The following GSAP variants were observed in gnomAD, a reference collection of about 807,000 sequenced individuals.
GSAP encodes gamma-secretase activating protein, also known as gamma-secretase-activating protein.
Under a neutral mutation model 131.7 loss-of-function variants are expected in GSAP, and 118 were observed. That is an observed-to-expected ratio of 0.90 (90% CI 0.77 to 1.04). The LOEUF (loss-of-function observed/expected upper bound fraction) is 1.04. Ranked by LOEUF, GSAP falls within the 50% of genes least tolerant of loss-of-function variation. The pLI, the probability that GSAP is intolerant of heterozygous loss-of-function variation, is 0.00. For missense variants in GSAP, 1,019 were observed against 1,013.2 expected (o/e 1.01, Z -0.08); for synonymous variants, 381 against 363.4 (o/e 1.05, Z -0.55).
intron 24 of GSAP, among the ~76,000 whole-genome samples, chr7:77,322,813 A>C (rs1319395377): frequency 2.0e-5 from 3 of 152,174 alleles, no homozygotes; most frequent in Non-Finnish European, 2.9e-5. Flanking sequence ...CGTAGAAACA[A>C]CACTAATGGC....
intron 3 of GSAP, among the ~76,000 whole-genome samples, chr7:77,403,471 A>T (rs183480528): frequency 8.7e-4 from 132 of 152,340 alleles, no homozygotes; most frequent in African/African-American, 3.1e-3. Flanking sequence ...TCAATTCTAA[A>T]TTGTTTTTAC....
chr7:77,353,578 T>C lies in GSAP; in HGVS notation c.1402A>G (p.Ile468Val), dbSNP rs780750132. 6.2e-7 allele frequency: 1 copy of C among 1,605,790 alleles called. No homozygotes were observed. The highest frequency in any genetic ancestry group is 8.5e-7 in the Non-Finnish European group (1 of 1,173,174). Residue 468 changes from isoleucine (I) to valine (V), a missense_variant, in exon 17 of 31, where the codon ATA (isoleucine) becomes GTA (valine). By Grantham distance (29) the Ile-to-Val change is conservative. Transcript: ENST00000257626. Reference protein sequence around the residue: ...CHSFDLIQEFIIASSYWSVYS... With the variant: ...CHSFDLIQEFVIASSYWSVYS... ...CAACATCAGCAACACTTACCAATTA[T>C]AAATTCCTGAATGAGGTCAAATGAA...
At chr7:77,350,992 T>C (rs1792784610) in intron 18 of GSAP, 1 of 372,928 alleles carries the variant, frequency 2.7e-6, no homozygotes, top group South Asian at 1.1e-4. Flanking sequence ...AAAAAGTAGA[T>C]AAGTATATAA....
At position 77,311,340 on chromosome 7, in the gene GSAP, C is replaced by A. The variant is rs760266066; in HGVS notation, c.*18G>T. 7.0e-7 allele frequency: 1 copy of A among 1,438,434 alleles called. No individual in the cohort carries two copies. The highest frequency in any genetic ancestry group is 9.8e-7 in the Non-Finnish European group (1 of 1,020,246). 89.1% of individuals were successfully genotyped at this position (1,438,434 alleles called of 1,614,324 possible). On this transcript the variant is annotated 3_prime_UTR_variant, in exon 31 of 31. Transcript: ENST00000257626. ...CAAGATTAAAATGGCAGCAGCAGATCCAATTGCGTTTTCTTTTTCATAAGC... is the reference window on the plus strand; with the variant it reads ...CAAGATTAAAATGGCAGCAGCAGATACAATTGCGTTTTCTTTTTCATAAGC...
chr7:77,323,635 A>G lies in GSAP; in HGVS notation c.1923+12T>C. On this transcript the variant is annotated intron_variant, in intron 24 of 30. Transcript: ENST00000257626. ...GAAGGGGCATATGAGGAGAATAAAA[A>G]GCAAGACCAACCAGTTTTGAAATGT... 6.7e-7 allele frequency: 1 copy of G among 1,485,976 alleles called. No homozygotes were observed. Among genetic ancestry groups the G allele is most frequent in the East Asian group, 2.3e-5 (1 of 43,592 alleles). The allele number at this position is 1,485,976 out of a possible 1,614,324, so 92.0% of individuals were successfully genotyped here.
chr7:77,395,024 C>T (rs771929001), intron 5 of GSAP, among the ~76,000 whole-genome samples: 3 of 152,210 alleles, frequency 2.0e-5, no homozygotes, highest in Non-Finnish European at 4.4e-5. Flanking sequence ...GTGCATCAAA[C>T]TTACAAGACT....
intron 5 of GSAP, among the ~76,000 whole-genome samples, chr7:77,390,910 C>CT (rs1187558436): frequency 7.5e-6 from 1 of 133,906 alleles, no homozygotes; most frequent in Non-Finnish European, 1.5e-5. Flanking sequence ...GGTTGCGCCA[C>CT]TGCACTCCAG....
chr7:77,328,441 TG>T, intron 22 of GSAP, 164 bp downstream of exon 22: 1 of 1,349,912 alleles, frequency 7.4e-7, no homozygotes, highest in African/African-American at 1.5e-5. Flanking sequence ...TAGACAGACA[TG>T]GGAAGAGCCG....
At chr7:77,346,097 C>G (rs924420228) in intron 19 of GSAP, among the ~76,000 whole-genome samples, 3 of 151,212 alleles carry the variant, frequency 2.0e-5, no homozygotes, top group African/African-American at 7.3e-5. Context: ...TGGTGAAACC[C>G]CGCCTCTACT....
chr7:77,313,707 T>C (rs1398136937), intron 27 of GSAP, among the ~76,000 whole-genome samples, 158 bp from the exon 28 acceptor site: 1 of 152,192 alleles, frequency 6.6e-6, no homozygotes, highest in Non-Finnish European at 1.5e-5. Flanking sequence ...ACTCTGACTC[T>C]CTGAATAAAA....
Position 77,397,007 on chromosome 7 carries a change from T to G in GSAP, c.342A>C (p.Glu114Asp). ...CTGGTTGAAGTTCGTTCCTTTTTCC[T>G]TCTTTAGTAGACTGAACTAAACTTG... ...LAASLVQSTK[E>D]GKRNELQPGS... The change falls in exon 5 of 31, where the codon GAA becomes GAC. Residue 114 changes from glutamate (E) to aspartate (D), a missense_variant. Coordinates refer to ENST00000257626, the MANE Select transcript of GSAP (RefSeq NM_017439.4). 1 of 1,601,442 alleles carries G rather than the reference T, an allele frequency of 6.2e-7. No individual in the cohort carries two copies. Among genetic ancestry groups the G allele is most frequent in the Non-Finnish European group, 8.5e-7 (1 of 1,171,210 alleles).
intron 16 of GSAP, among the ~76,000 whole-genome samples, chr7:77,354,912 A>C (rs1027809393): frequency 1.3e-5 from 2 of 152,206 alleles, no homozygotes; most frequent in Non-Finnish European, 2.9e-5. Context: ...ACCAGGAGAA[A>C]AAGTAGATAT....
At chr7:77,315,441 G>A (rs1028090751) in intron 26 of GSAP, 4 of 152,066 alleles carry the variant, frequency 2.6e-5, no homozygotes, top group Admixed American at 2.0e-4. Context: ...TAACAATAGC[G>A]ACCCATACTG....
chr7:77,381,249 T>G (rs1797752918), intron 8 of GSAP, 56 bp downstream of exon 8: 2 of 877,176 alleles, frequency 2.3e-6, no homozygotes, highest in East Asian at 2.5e-5. Flanking sequence ...TCTAGTAATG[T>G]ACTTCTTTGT....
At chr7:77,336,603 C>T (rs1203391644) in intron 19 of GSAP, among the ~76,000 whole-genome samples, 4 of 152,136 alleles carry the variant, frequency 2.6e-5, no homozygotes, top group African/African-American at 9.7e-5. Flanking sequence ...CTTCTCCTGC[C>T]TCAGCCTCCC....
chr7:77,390,722 G>A (rs1439187836), intron 5 of GSAP, among the ~76,000 whole-genome samples: 1 of 151,558 alleles, frequency 6.6e-6, no homozygotes, highest in Non-Finnish European at 1.5e-5. Flanking sequence ...CCTGCACGTT[G>A]TGCACATGTA....
At chr7:77,355,738 T>C in intron 14 of GSAP, 91 bp from the exon 15 acceptor site, 1 of 694,236 alleles carries the variant, frequency 1.4e-6, no homozygotes, top group African/African-American at 1.9e-5. Flanking sequence ...TCTGAATATC[T>C]CAAAAGGCAA....
At chr7:77,364,927 T>C (rs1324890090) in intron 12 of GSAP, among the ~76,000 whole-genome samples, 1 of 152,192 alleles carries the variant, frequency 6.6e-6, no homozygotes, top group Non-Finnish European at 1.5e-5. Flanking sequence ...TAGCCACATG[T>C]AGTCACTGAA....
chr7:77,349,474 G>T, intron 18 of GSAP, 70 bp from the exon 19 acceptor site: 1 of 1,348,736 alleles, frequency 7.4e-7, no homozygotes, highest in South Asian at 1.2e-5. Flanking sequence ...AGCTTTCAGG[G>T]AGTGTTTTCT....
Sources: gnomAD v4.1 joint callset for allele counts (sites outside exome capture counted in the v4.1 genomes callset) on GRCh38, gnomAD v4.1.1 for gene constraint, MANE v1.5 for transcripts, NCBI Gene and HGNC (gene_info 2026-07-23, HGNC 2026-07-21) for gene names.